R3HDM1: variants seen among roughly 807,000 people sequenced by gnomAD.
The protein encoded by R3HDM1 is R3H domain-containing protein 1.
A neutral mutation model predicts 141.1 loss-of-function variants in R3HDM1; 46 were observed. The observed-to-expected ratio is 0.33, with a 90% CI of 0.26 to 0.42. The LOEUF is 0.42. R3HDM1 is among the 10% of genes least tolerant of loss of function. The pLI is 1.00. For missense variants in R3HDM1, 1,184 were observed against 1,368.3 expected (o/e 0.87, Z 2.12); for synonymous variants, 435 against 472.9 (o/e 0.92, Z 1.04).
At chr2:135,662,103 C>T (rs1016856416) in intron 19 of R3HDM1, among the ~76,000 whole-genome samples, 2 of 152,186 alleles carry the variant, frequency 1.3e-5, no homozygotes, top group African/African-American at 2.4e-5. Context: ...TAGATGTGTA[C>T]TTCCCAGATG....
intron 3 of R3HDM1, among the ~76,000 whole-genome samples, chr2:135,613,642 C>G (rs1300117875): frequency 6.6e-6 from 1 of 152,098 alleles, no homozygotes; most frequent in Non-Finnish European, 1.5e-5. Context: ...CCAGTGAAAC[C>G]CTGTCTCTAC....
At chr2:135,711,516 A>G (rs1232797825) in intron 23 of R3HDM1, among the ~76,000 whole-genome samples, 1 of 151,840 alleles carries the variant, frequency 6.6e-6, no homozygotes, top group African/African-American at 2.4e-5. Context: ...ACAAAAAATT[A>G]TTCGGCCATG....
chr2:135,558,677 T>C (rs1422956218), intron 1 of R3HDM1, among the ~76,000 whole-genome samples: 1 of 152,196 alleles, frequency 6.6e-6, no homozygotes, highest in African/African-American at 2.4e-5. Context: ...TTTGGAGCTG[T>C]AGCAGTTGAA....
In R3HDM1 at chr2:135,710,075, A is replaced by C; in HGVS notation, c.2580A>C (p.Pro860=). Reference sequence around the variant, plus strand: ...GATTTTCAGCTGGACCACCACCGCCACCTGGTGGGGGGATGGTGATGATGC... The same window carrying C: ...GATTTTCAGCTGGACCACCACCGCCCCCTGGTGGGGGGATGGTGATGATGC... The part of the protein sequence containing the change: ...GHQCTAGPPP[P]PGGGMVMMQL... Residue 860 remains proline (P), a synonymous_variant, in exon 23 of 27, where the codon CCA becomes CCC. Transcript: ENST00000683871. 1.2e-6 allele frequency: 2 copies of C among 1,613,528 alleles called. No individual in the cohort carries two copies. Among genetic ancestry groups the C allele is most frequent in the South Asian group, 2.2e-5 (2 of 90,872 alleles).
intron 21 of R3HDM1, among the ~76,000 whole-genome samples, chr2:135,691,511 G>C (rs1163706569): frequency 1.3e-5 from 2 of 152,020 alleles, no homozygotes; most frequent in Non-Finnish European, 2.9e-5. Flanking sequence ...CTATTCAGGA[G>C]GCTGAGGTGG....
intron 1 of R3HDM1, among the ~76,000 whole-genome samples, chr2:135,533,740 A>G (rs9287441): frequency 0.26 from 39,878 of 152,062 alleles, 9,381 homozygotes; most frequent in African/African-American, 0.62. Flanking sequence ...TTAGTCGCTC[A>G]TGGTGGCGGG....
chr2:135,545,821 G>A (rs902007576), intron 1 of R3HDM1, among the ~76,000 whole-genome samples: 1 of 152,108 alleles, frequency 6.6e-6, no homozygotes. Context: ...TCTTCTTAGT[G>A]TTTAAACAAA....
At chr2:135,629,416 C>T (rs1053091564) in intron 7 of R3HDM1, among the ~76,000 whole-genome samples, 3 of 152,050 alleles carry the variant, frequency 2.0e-5, no homozygotes, top group Non-Finnish European at 4.4e-5. Flanking sequence ...AAATTCTTCA[C>T]CCTCCCCTAA....
Position 135,616,768 on chromosome 2 carries a change from A to G in R3HDM1, c.303+11A>G. Reference sequence around the variant, plus strand: ...TCACAGGAGAACCAGGTAAAAAAGCAAAACAAATGTTATTTCAAGACATGG... The same window carrying G: ...TCACAGGAGAACCAGGTAAAAAAGCGAAACAAATGTTATTTCAAGACATGG... On this transcript the variant is annotated intron_variant, in intron 5 of 26. Transcript: ENST00000683871. The G allele has an allele frequency of 6.4e-7, 1 of 1,562,128 alleles. No homozygotes were observed. The highest frequency in any genetic ancestry group is 1.1e-5 in the South Asian group (1 of 87,796).
At chr2:135,707,790 T>C (rs927488886) in intron 21 of R3HDM1, among the ~76,000 whole-genome samples, 1 of 152,254 alleles carries the variant, frequency 6.6e-6, no homozygotes, top group African/African-American at 2.4e-5. Flanking sequence ...CTAATACTTA[T>C]ATTACACATT....
intron 14 of R3HDM1, among the ~76,000 whole-genome samples, chr2:135,639,872 A>C (rs897395266): frequency 7.2e-5 from 11 of 152,172 alleles, no homozygotes; most frequent in Non-Finnish European, 1.5e-4. Flanking sequence ...CGAGGCAGGC[A>C]GATCACCTGA....
intron 16 of R3HDM1, among the ~76,000 whole-genome samples, chr2:135,648,144 A>G (rs552958355): frequency 2.0e-5 from 3 of 152,332 alleles, no homozygotes; most frequent in South Asian, 4.1e-4. Context: ...AATATGTACT[A>G]TCATCTGTTA....
intron 1 of R3HDM1, among the ~76,000 whole-genome samples, chr2:135,560,316 C>G (rs1343541754): frequency 6.6e-6 from 1 of 152,168 alleles, no homozygotes; most frequent in Non-Finnish European, 1.5e-5. Flanking sequence ...TACTTTACCA[C>G]AATCTATGAT....
At chr2:135,640,178 C>T (rs916755204) in intron 14 of R3HDM1, among the ~76,000 whole-genome samples, 9 of 151,740 alleles carry the variant, frequency 5.9e-5, no homozygotes, top group African/African-American at 2.2e-4. Context: ...GTATTGTACA[C>T]GTAAGAATTG....
rs147713032 is a variant in R3HDM1, at chr2:135,593,834, C to A, written c.-249-8666C>A. Among the ~76,000 whole-genome samples, 1,065 of 152,314 alleles carry A rather than the reference C, an allele frequency of 7.0e-3. 11 individuals are homozygous for A. The highest frequency in any genetic ancestry group is 0.024 in the African/African-American group (998 of 41,562). On this transcript the variant is annotated intron_variant, in intron 1 of 26. Transcript: ENST00000683871. Reference sequence around the variant, plus strand: ...CTCCCAGGTTCAAGCGATTCTCATGCGTCAGCCTCCCAAGTAGTGGGATTA... The same window carrying A: ...CTCCCAGGTTCAAGCGATTCTCATGAGTCAGCCTCCCAAGTAGTGGGATTA...
intron 3 of R3HDM1, among the ~76,000 whole-genome samples, chr2:135,610,442 A>G (rs1195885237): frequency 6.6e-6 from 1 of 152,212 alleles, no homozygotes; most frequent in East Asian, 1.9e-4. Flanking sequence ...TTTTCCATAC[A>G]CAGAGTTGGC....
At chr2:135,597,866 A>T (rs1353748072) in intron 1 of R3HDM1, among the ~76,000 whole-genome samples, 1 of 152,162 alleles carries the variant, frequency 6.6e-6, no homozygotes, top group African/African-American at 2.4e-5. Context: ...GAGTAAATTG[A>T]CTTTTGTTGT....
intron 7 of R3HDM1, 39 bp downstream of exon 7, chr2:135,622,771 G>C (rs1205375133): frequency 6.6e-7 from 1 of 1,507,230 alleles, no homozygotes; most frequent in Non-Finnish European, 8.9e-7. Context: ...TGCTTCTAGA[G>C]TACCATAATT....
At chr2:135,574,523 G>A (rs1389570101) in intron 1 of R3HDM1, among the ~76,000 whole-genome samples, 8 of 152,138 alleles carry the variant, frequency 5.3e-5, no homozygotes, top group Non-Finnish European at 1.5e-5. Context: ...CTTAAACCTG[G>A]TAAGAACAGT....
Sources: gnomAD v4.1 joint callset for allele counts (sites outside exome capture counted in the v4.1 genomes callset) on GRCh38, gnomAD v4.1.1 for gene constraint, MANE v1.5 for transcripts, NCBI Gene and HGNC (gene_info 2026-07-23, HGNC 2026-07-21) for gene names.